KIAA1217: variants seen among roughly 807,000 people sequenced by gnomAD.
KIAA1217 encodes sickle tail protein homolog.
A neutral mutation model predicts 163.9 loss-of-function variants in KIAA1217; 88 were observed. The ratio of observed to expected loss-of-function variants is 0.54; its 90% confidence interval spans 0.45 to 0.64. KIAA1217 has a LOEUF of 0.64. Among genes scored for constraint, KIAA1217 ranks in the 30% least tolerant of loss-of-function variants. The probability of loss-of-function intolerance (pLI) is 0.00; values close to 1 mark genes in which losing one functional copy is unlikely to be tolerated. For synonymous variants in KIAA1217, 903 were observed against 923.1 expected (o/e 0.98, Z 0.39); for missense variants, 2,372 against 2,475.0 (o/e 0.96, Z 0.88).
At chr10:23,851,660 C>A (rs1261541479) in intron 1 of KIAA1217, among the ~76,000 whole-genome samples, 1 of 152,164 alleles carries the variant, frequency 6.6e-6, no homozygotes, top group East Asian at 1.9e-4. Flanking sequence ...TTCTCCACAT[C>A]CTCTCCAGCA....
intron 5 of KIAA1217, among the ~76,000 whole-genome samples, chr10:24,472,786 T>A (rs1422711475): frequency 6.6e-6 from 1 of 152,164 alleles, no homozygotes; most frequent in Non-Finnish European, 1.5e-5. Context: ...TTAATGGATT[T>A]TGCACATCAA....
chr10:24,017,031 AGTTT>A (rs1847508472), intron 2 of KIAA1217, among the ~76,000 whole-genome samples: 2 of 122,038 alleles, frequency 1.6e-5, no homozygotes, highest in Admixed American at 1.8e-4. Context: ...TTGGTTAGTT[AGTTT>A]TTTTGTTTTT....
chr10:24,121,641 A>C (rs1286051462), intron 2 of KIAA1217, among the ~76,000 whole-genome samples: 1 of 152,230 alleles, frequency 6.6e-6, no homozygotes, highest in Non-Finnish European at 1.5e-5. Flanking sequence ...AAATTTTATT[A>C]GTATACGACA....
chr10:24,157,882 A>T (rs2131877060), intron 2 of KIAA1217: 1 of 638,298 alleles, frequency 1.6e-6, no homozygotes, highest in East Asian at 2.6e-5. Flanking sequence ...TAGGATCTGA[A>T]CCAATGATGC....
chr10:24,185,981 T>A (rs1402259112), intron 2 of KIAA1217, among the ~76,000 whole-genome samples: 1 of 151,990 alleles, frequency 6.6e-6, no homozygotes, highest in Non-Finnish European at 1.5e-5. Flanking sequence ...AAAAAGATTC[T>A]GCATTTGAAA....
chr10:24,164,681 G>A (rs1019692106), intron 2 of KIAA1217, among the ~76,000 whole-genome samples: 3 of 152,128 alleles, frequency 2.0e-5, no homozygotes, highest in African/African-American at 7.2e-5. Flanking sequence ...CTTGGAATGG[G>A]CAAGTAGGGG....
At chr10:24,454,156 A>T (rs1055235707) in intron 5 of KIAA1217, among the ~76,000 whole-genome samples, 10 of 152,220 alleles carry the variant, frequency 6.6e-5, no homozygotes, top group African/African-American at 2.4e-4. Flanking sequence ...GACGATCAGC[A>T]TCGTACTATT....
At chr10:24,410,640 T>C (rs950121082) in intron 3 of KIAA1217, among the ~76,000 whole-genome samples, 3 of 152,216 alleles carry the variant, frequency 2.0e-5, no homozygotes, top group Non-Finnish European at 4.4e-5. Context: ...ATCTCTTAAA[T>C]TTAGTGAAAA....
chr10:24,136,820 G>A (rs1036545766), intron 2 of KIAA1217, among the ~76,000 whole-genome samples: 3 of 152,138 alleles, frequency 2.0e-5, no homozygotes, highest in Non-Finnish European at 4.4e-5. Flanking sequence ...GGTTCTGCGT[G>A]GTCCTTGAAA....
intron 2 of KIAA1217, among the ~76,000 whole-genome samples, chr10:24,339,800 G>A (rs7094464): frequency 0.03 from 4,550 of 152,290 alleles, 228 homozygotes; most frequent in African/African-American, 0.1. Context: ...TAGGGACCAT[G>A]ATTATGAGGA....
chr10:24,546,272 A>G lies in KIAA1217; in HGVS notation c.5780A>G (p.Gln1927Arg), dbSNP rs1564918271. 2 of 1,613,198 alleles carry G rather than the reference A, an allele frequency of 1.2e-6. No individual in the cohort carries two copies. The highest frequency in any genetic ancestry group is 1.7e-5 in the Admixed American group (1 of 59,928). ...CCCAGCCTCACCAGCTACAAGGCAC[A>G]GAATGGAAGTTCAAGCAAAGCCACC... ...HTPSLTSYKA[Q>R]NGSSSKATPS... The change falls in exon 21 of 21, where the codon CAG becomes CGG. Residue 1927 changes from glutamine to arginine, a missense_variant. Physicochemically the swap from Gln to Arg is conservative, Grantham distance 43 (BLOSUM62 1). This residue lies in a region of KIAA1217 where 690 missense variants were observed against 677.5 expected (regional missense o/e 1.02). Coordinates refer to ENST00000376454, the MANE Select transcript of KIAA1217 (RefSeq NM_019590.5).
At chr10:24,203,423 C>T (rs965946095) in intron 2 of KIAA1217, among the ~76,000 whole-genome samples, 1 of 152,122 alleles carries the variant, frequency 6.6e-6, no homozygotes, top group Admixed American at 6.5e-5. Flanking sequence ...GCCACACGTT[C>T]GAGAATGCTC....
chr10:24,192,281 G>T (rs962555045), intron 2 of KIAA1217, among the ~76,000 whole-genome samples: 2 of 152,310 alleles, frequency 1.3e-5, no homozygotes, highest in African/African-American at 4.8e-5. Flanking sequence ...CTATGTCCCT[G>T]TGTCTTCAGA....
intron 1 of KIAA1217, among the ~76,000 whole-genome samples, chr10:23,758,561 G>T (rs922001443): frequency 8.6e-5 from 13 of 151,212 alleles, no homozygotes; most frequent in Non-Finnish European, 1.2e-4. Context: ...GAATTTTGGG[G>T]TGGGTTTTTC....
At chr10:24,123,684 T>TAA (rs1278256638) in intron 2 of KIAA1217, among the ~76,000 whole-genome samples, 1 of 152,176 alleles carries the variant, frequency 6.6e-6, no homozygotes, top group African/African-American at 2.4e-5. Context: ...CCAGACCAAT[T>TAA]AAATCAGAAT....
intron 16 of KIAA1217, among the ~76,000 whole-genome samples, chr10:24,534,393 A>C (rs1308223180): frequency 6.6e-6 from 1 of 152,218 alleles, no homozygotes; most frequent in Non-Finnish European, 1.5e-5. Flanking sequence ...CAGATTTATA[A>C]AGCTGGTATC....
rs1024382456 is a variant in KIAA1217 at position 24,543,638 on chromosome 10, C to T, written c.4368C>T (p.Ala1456=). 30 of 1,613,932 alleles carry T rather than the reference C, an allele frequency of 1.9e-5. No homozygotes were observed. Among genetic ancestry groups the T allele is most frequent in the Non-Finnish European group, 2.5e-5 (30 of 1,180,030 alleles). ...ATGAGCCCATGGACATCCGGTCTGC[C>T]TATAAGAGACTTTCAACTATCTTTG... ...IFDEPMDIRS[A]YKRLSTIFEE... Residue 1456 remains alanine, a synonymous_variant, in exon 19 of 21, where the codon GCC becomes GCT. Transcript: ENST00000376454.
chr10:23,894,322 C>A (rs1841574291), intron 1 of KIAA1217, among the ~76,000 whole-genome samples: 1 of 152,050 alleles, frequency 6.6e-6, no homozygotes, highest in East Asian at 1.9e-4. Flanking sequence ...GTACAAAAAT[C>A]ACAAGCATTC....
chr10:23,870,434 C>T (rs1158883173), intron 1 of KIAA1217, among the ~76,000 whole-genome samples: 3 of 151,988 alleles, frequency 2.0e-5, no homozygotes, highest in Non-Finnish European at 2.9e-5. Context: ...TGAGTCAAGC[C>T]ATAATCAGTC....
Sources: gnomAD v4.1 joint callset for allele counts (sites outside exome capture counted in the v4.1 genomes callset) on GRCh38, gnomAD v4.1.1 for gene constraint, gnomAD v4.1.1 regional missense constraint, MANE v1.5 for transcripts, NCBI Gene and HGNC (gene_info 2026-07-23, HGNC 2026-07-21) for gene names.